Variants in VPS11 observed in about 807,000 individuals in gnomAD.
VPS11 encodes the protein vacuolar protein sorting-associated protein 11 homolog.
Under a neutral mutation model 106.8 loss-of-function variants are expected in VPS11, and 51 were observed. The ratio of observed to expected loss-of-function variants is 0.48; its 90% CI spans 0.38 to 0.60. The LOEUF is 0.60. Ranked by LOEUF, VPS11 falls within the 20% of genes least tolerant of loss-of-function variation. The pLI, the probability that VPS11 is intolerant of heterozygous loss-of-function variation, is 0.00. For synonymous variants in VPS11, 453 were observed against 458.7 expected (o/e 0.99, Z 0.16); for missense variants, 950 against 1,190.0 (o/e 0.80, Z 2.97).
At chr11:119,080,128 A>G (rs1945795161) in intron 14 of VPS11, among the ~76,000 whole-genome samples, 2 of 151,848 alleles carry the variant, frequency 1.3e-5, no homozygotes, top group East Asian at 3.9e-4. Flanking sequence ...GCGCGATCTC[A>G]GCTCACAGCA....
chr11:119,079,179 G>T lies in VPS11; in HGVS notation c.2317G>T (p.Asp773Tyr). The change falls in exon 14 of 16, where the codon GAC becomes TAC. Residue 773 changes from aspartate (D) to tyrosine (Y), a missense_variant. Around this residue, in one of 3 missense-constraint regions of VPS11, gnomAD observed 453 missense variants for 514.6 expected, o/e 0.88. Coordinates refer to ENST00000621676, the MANE Select transcript of VPS11 (RefSeq NM_021729.6). ...NSTATLSVIR[D>Y]YLVQKLQKQS... Reference sequence around the variant, plus strand: ...CACAGCCACACTCTCCGTCATCAGGGACTACCTGGTCCAAAAACTACAGAA... The same window carrying T: ...CACAGCCACACTCTCCGTCATCAGGTACTACCTGGTCCAAAAACTACAGAA... The T allele has an allele frequency of 6.2e-7, 1 of 1,613,806 alleles. No homozygotes were observed. The highest frequency in any genetic ancestry group is 8.5e-7 in the Non-Finnish European group (1 of 1,179,826).
At chr11:119,073,462 C>T (rs1053305606) in intron 6 of VPS11, 63 bp downstream of exon 6, 12 of 1,568,272 alleles carry the variant, frequency 7.7e-6, no homozygotes, top group Non-Finnish European at 1.0e-5. Context: ...GGAGCAGGTT[C>T]CCCAAGTCAT....
At position 119,077,497 on chromosome 11, in the gene VPS11, G is replaced by T; in HGVS notation, c.1426-4G>T. The stretch of plus-strand genomic sequence containing the variant: ...AATGATTTTGTCTCATGTCTCCCTG[G>T]CAGAAAAAGAGTGAGAGTGAAGTCC... On this transcript the variant is annotated splice_region_variant and splice_polypyrimidine_tract_variant and intron_variant, in intron 8 of 15. Coordinates refer to ENST00000621676, the MANE Select transcript of VPS11 (RefSeq NM_021729.6). 6.2e-7 allele frequency: 1 copy of T among 1,612,742 alleles called. No individual in the cohort carries two copies. Among genetic ancestry groups the T allele is most frequent in the Non-Finnish European group, 8.5e-7 (1 of 1,179,260 alleles).
At chr11:119,068,992 CCG>C (rs1945246801) in intron 1 of VPS11, among the ~76,000 whole-genome samples, 2 of 52,678 alleles carry the variant, frequency 3.8e-5, no homozygotes, top group African/African-American at 9.2e-5. Context: ...CTCAGGTGAT[CCG>C]CACCCCCCCC....
At chr11:119,078,386 T>C in intron 11 of VPS11, 52 bp downstream of exon 11, 2 of 1,593,946 alleles carry the variant, frequency 1.3e-6, no homozygotes, top group Non-Finnish European at 1.7e-6. Context: ...CCGTCTCCAT[T>C]CTTCCGTCTT....
At chr11:119,079,049 G>T in intron 13 of VPS11, 52 bp downstream of exon 13, 1 of 1,612,502 alleles carries the variant, frequency 6.2e-7, no homozygotes, top group Non-Finnish European at 8.5e-7. Context: ...GCTGGGCTCT[G>T]TGGCAGGGGC....
At chr11:119,081,416 C>G in intron 15 of VPS11, 43 bp from the exon 16 acceptor site, 1 of 1,613,212 alleles carries the variant, frequency 6.2e-7, no homozygotes, top group Non-Finnish European at 8.5e-7. Flanking sequence ...GAAACAAGCA[C>G]TTTGATTCTG....
Position 119,081,524 on chromosome 11 carries a change from A to G in VPS11, c.2727A>G (p.Lys909=), listed in dbSNP as rs781798172. The G allele has an allele frequency of 2.5e-6, 4 of 1,613,934 alleles. No individual in the cohort carries two copies. The highest frequency in any genetic ancestry group is 3.4e-6 in the Non-Finnish European group (4 of 1,179,892). The change falls in exon 16 of 16, where the codon AAA becomes AAG. Residue 909 remains lysine, a synonymous_variant. Transcript: ENST00000621676. ...ACTTTGGCAGAGGTGTTTTCAACAA[A>G]TTGACTCTGCTGACCGACCCTCCCA... The part of the protein sequence containing the change: ...ADYFGRGVFN[K]LTLLTDPPTA...
In VPS11 at chr11:119,077,938, A is replaced by G. The variant is rs1319154200; in HGVS notation, c.1633A>G (p.Met545Val). ...GCCTTTTGAGCAGGCAGAGAGCAAC[A>G]TGAAGCGCTACGGCAAGATCCTCAT... Reference protein sequence around the residue: ...KLPFEQAESNMKRYGKILMHH... With the variant: ...KLPFEQAESNVKRYGKILMHH... Residue 545 changes from methionine (M) to valine (V), a missense_variant, in exon 10 of 16, where the codon ATG becomes GTG. By Grantham distance (21) the Met-to-Val change is conservative. This residue lies in a region of VPS11 where 453 missense variants were observed against 514.6 expected (regional missense o/e 0.88). Transcript: ENST00000621676. The G allele has an allele frequency of 2.5e-6, 4 of 1,614,068 alleles. No homozygotes were observed. Among genetic ancestry groups the G allele is most frequent in the Non-Finnish European group, 3.4e-6 (4 of 1,179,898 alleles).
At chr11:119,079,342 T>A (rs1211146939) in intron 14 of VPS11, 42 bp downstream of exon 14, 1 of 1,537,318 alleles carries the variant, frequency 6.5e-7, no homozygotes, top group Non-Finnish European at 8.8e-7. Context: ...AGGGGATAAC[T>A]TGCCCTTCAC....
At chr11:119,068,443 CCTTTTTTTT>C (rs1225260273) in intron 1 of VPS11, among the ~76,000 whole-genome samples, 18 of 35,810 alleles carry the variant, frequency 5.0e-4, no homozygotes, top group African/African-American at 9.3e-4. Context: ...GGCCTTTTTA[CCTTTTTTTT>C]TTTTTTTTTT....
chr11:119,081,576 G>A lies in VPS11; in HGVS notation c.2779G>A (p.Ala927Thr). The A allele has an allele frequency of 1.9e-6, 3 of 1,613,992 alleles. No homozygotes were observed. Among genetic ancestry groups the A allele is most frequent in the Non-Finnish European group, 2.5e-6 (3 of 1,179,894 alleles). Reference protein sequence around the residue: ...PTARLTSSLEAGLQRDLLMHS... With the variant: ...PTARLTSSLETGLQRDLLMHS... ...AGCCAGACTGACCTCCAGCCTGGAG[G>A]CTGGGCTGCAACGCGACCTACTCAT... The change falls in exon 16 of 16, where the codon GCT becomes ACT. Residue 927 changes from alanine to threonine, a missense_variant. Coordinates refer to ENST00000621676, the MANE Select transcript of VPS11 (RefSeq NM_021729.6).
In VPS11 at chr11:119,069,284, A is replaced by G. The variant is rs1945278046; in HGVS notation, c.276A>G (p.Gln92=). The part of the protein sequence containing the change: ...AYKLRVTHLY[Q]LKQHNILASV... ...AACTACGGGTGACACACCTGTACCAACTGAAGCAGCACAATATTCTGGCAT... is the reference window on the plus strand; with the variant it reads ...AACTACGGGTGACACACCTGTACCAGCTGAAGCAGCACAATATTCTGGCAT... Residue 92 remains glutamine (Q), a synonymous_variant, in exon 2 of 16, where the codon CAA becomes CAG. Transcript: ENST00000621676. 1 of 1,613,952 alleles carries G rather than the reference A, an allele frequency of 6.2e-7. No homozygotes were observed. Among genetic ancestry groups the G allele is most frequent in the Non-Finnish European group, 8.5e-7 (1 of 1,179,882 alleles).
At chr11:119,077,179 G>T in intron 8 of VPS11, 96 bp downstream of exon 8, 1 of 1,441,902 alleles carries the variant, frequency 6.9e-7, no homozygotes, top group Admixed American at 2.1e-5. Context: ...ATAGGGAGAG[G>T]AAAGGGCTGA....
At chr11:119,071,961 G>T in intron 5 of VPS11, 118 bp downstream of exon 5, 1 of 1,356,412 alleles carries the variant, frequency 7.4e-7, no homozygotes, top group Non-Finnish European at 1.0e-6. Context: ...CCGGTGTTAT[G>T]TAGGTAACAT....
In VPS11 at chr11:119,072,132, C is replaced by T. The variant is rs1376001972; in HGVS notation, c.884+289C>T. 2.5e-5 allele frequency: 8 copies of T among 315,536 alleles called. No individual in the cohort carries two copies. In the East Asian group the frequency reaches 4.9e-4, roughly 19 times the overall value. The allele number at this position is 315,536 out of a possible 1,614,324, so 19.5% of individuals were successfully genotyped here. A position where few individuals can be genotyped will look rare whatever the true frequency, so the allele number is the denominator to read the frequency against. On this transcript the variant is annotated intron_variant, in intron 5 of 15. Coordinates refer to ENST00000621676, the MANE Select transcript of VPS11 (RefSeq NM_021729.6). ...AGGCATGTGCCACCACGCCTGGCTACTTTTTGTATTTTCAGTAGAGACGAG... is the reference window on the plus strand; with the variant it reads ...AGGCATGTGCCACCACGCCTGGCTATTTTTTGTATTTTCAGTAGAGACGAG...
rs782357274 is a variant in VPS11 at position 119,079,215 on chromosome 11, C to G, written c.2353C>G (p.Gln785Glu). The change falls in exon 14 of 16, where the codon CAG (glutamine) becomes GAG (glutamate). Residue 785 changes from glutamine (Q) to glutamate (E), a missense_variant. This residue lies in a region of VPS11 where 453 missense variants were observed against 514.6 expected (regional missense o/e 0.88). Coordinates refer to ENST00000621676, the MANE Select transcript of VPS11 (RefSeq NM_021729.6). ...LVQKLQKQSQ[Q>E]IAQDELRVRR... ...CCAAAAACTACAGAAACAGAGCCAG[C>G]AGATTGCACAGGATGAGCTGCGGGT... 87 of 1,612,718 alleles carry G rather than the reference C, an allele frequency of 5.4e-5. No individual in the cohort carries two copies. The highest frequency in any genetic ancestry group is 1.3e-5 in the African/African-American group (1 of 74,902).
chr11:119,069,161 C>G, intron 1 of VPS11, 35 bp from the exon 2 acceptor site: 4 of 1,611,820 alleles, frequency 2.5e-6, no homozygotes, highest in Non-Finnish European at 3.4e-6. Context: ...GTAAGTATCT[C>G]TCCTTGGAAA....
chr11:119,073,913 C>T lies in VPS11; in HGVS notation c.1200C>T (p.Ser400=). Residue 400 remains serine, a synonymous_variant, in exon 7 of 16, where the codon AGC becomes AGT. Transcript: ENST00000621676. ...TGCAGTATGGAGACCATCTCTACAG[C>T]AAGGGCAACCACGATGGGGCTGTCC... ...IFMQYGDHLY[S]KGNHDGAVQQ... 1 of 1,613,572 alleles carries T rather than the reference C, an allele frequency of 6.2e-7. No individual in the cohort carries two copies. The highest frequency in any genetic ancestry group is 8.5e-7 in the Non-Finnish European group (1 of 1,179,754).
Sources: allele counts gnomAD v4.1 joint callset (sites outside exome capture counted in the v4.1 genomes callset), GRCh38; gene constraint gnomAD v4.1.1; regional missense constraint gnomAD v4.1.1; transcripts MANE v1.5; gene names NCBI Gene and HGNC (gene_info 2026-07-23, HGNC 2026-07-21).